The following PC variants were observed in gnomAD, a reference collection of about 807,000 sequenced individuals.
PC encodes the protein pyruvate carboxylase, mitochondrial.
In PC, 46 loss-of-function variants were observed where a neutral mutation model predicts 107.8. The observed-to-expected ratio is 0.43, with a 90% CI of 0.34 to 0.55. The LOEUF is 0.55. Among genes scored for constraint, PC ranks in the 20% least tolerant of loss-of-function variants. The pLI, the probability that PC is intolerant of heterozygous loss-of-function variation, is 0.04. For synonymous variants in PC, 662 were observed against 684.7 expected, an observed-to-expected ratio of 0.97 and a Z score of 0.52; for missense variants, 1,241 against 1,643.1, an observed-to-expected ratio of 0.76 and a Z score of 4.23.
intron 12 of PC, chr11:66,860,449 T>C (rs1390811576): frequency 2.8e-6 from 2 of 704,522 alleles, no homozygotes; most frequent in Non-Finnish European, 5.2e-6. Context: ...TGTTTTTATT[T>C]ATAATAAAAT....
At chr11:66,859,066 G>A in intron 12 of PC, 1 of 1,494,740 alleles carries the variant, frequency 6.7e-7, no homozygotes, top group Non-Finnish European at 8.9e-7. Flanking sequence ...CAGTACAACA[G>A]CAGCGAAGAT....
chr11:66,869,926 A>G (rs550421537), intron 9 of PC, among the ~76,000 whole-genome samples: 1 of 152,324 alleles, frequency 6.6e-6, no homozygotes, highest in Non-Finnish European at 1.5e-5. Flanking sequence ...ATGAGGGAGG[A>G]CTGCCTTCAT....
chr11:66,904,704 A>G (rs181936640), intron 3 of PC, among the ~76,000 whole-genome samples: 7 of 152,296 alleles, frequency 4.6e-5, no homozygotes, highest in Admixed American at 3.9e-4. Flanking sequence ...CAAATAAGGA[A>G]CTGTATGACT....
intron 3 of PC, among the ~76,000 whole-genome samples, chr11:66,875,214 C>G (rs1410621085): frequency 1.4e-5 from 2 of 144,172 alleles, no homozygotes; most frequent in African/African-American, 5.2e-5. Flanking sequence ...AGCTGAGAGA[C>G]GCGGAGCCTC....
rs756938721 is a variant in PC, at chr11:66,857,809, T to C, written c.1369-4426A>G. On this transcript the variant is annotated intron_variant, in intron 12 of 22. Transcript: ENST00000393960. This position sits in a 1 kb window ranked among gnomAD's most constrained non-coding sequence, Gnocchi z 7.1. ...GCGGCCGCCTGCCCGCTGCCCTGCGTCTGCCAGAACCTGTCCGAGTCGCTC... is the reference window on the plus strand; with the variant it reads ...GCGGCCGCCTGCCCGCTGCCCTGCGCCTGCCAGAACCTGTCCGAGTCGCTC... 4.4e-6 allele frequency: 7 copies of C among 1,601,396 alleles called. No individual in the cohort carries two copies. In the South Asian group the frequency reaches 7.7e-5, roughly 18 times the overall value.
chr11:66,863,857 C>T lies in PC; in HGVS notation c.1285G>A (p.Val429Ile). 1.2e-6 allele frequency: 2 copies of T among 1,614,052 alleles called. No homozygotes were observed. The highest frequency in any genetic ancestry group is 1.7e-6 in the Non-Finnish European group (2 of 1,180,008). ...SPHYDSLLVK[V>I]IAHGKDHPTA... Reference sequence around the variant, plus strand: ...GGGTGGTCTTTGCCGTGGGCAATGACTTTGACCAGCAGGGAGTCGTAGTGG... The same window carrying T: ...GGGTGGTCTTTGCCGTGGGCAATGATTTTGACCAGCAGGGAGTCGTAGTGG... Residue 429 changes from valine (V) to isoleucine (I), a missense_variant, in exon 12 of 23, where the codon GTC (valine) becomes ATC (isoleucine). By Grantham distance (29) the Val-to-Ile change is conservative. This residue lies in a region of PC where 1,143 missense variants were observed against 1,551.9 expected (regional missense o/e 0.74). Transcript: ENST00000393960.
chr11:66,946,483 G>C, intron 3 of PC, among the ~76,000 whole-genome samples: 1 of 152,024 alleles, frequency 6.6e-6, no homozygotes, highest in South Asian at 2.1e-4. Context: ...ACAAAAATTA[G>C]CTGGGCCACG....
At chr11:66,884,244 CAA>C (rs533552926) in intron 3 of PC, among the ~76,000 whole-genome samples, 50 of 86,420 alleles carry the variant, frequency 5.8e-4, no homozygotes, top group Admixed American at 6.5e-4. Flanking sequence ...AACTCCATCT[CAA>C]AAAAAAAAAA....
At chr11:66,919,277 G>A (rs140356114) in intron 3 of PC, among the ~76,000 whole-genome samples, 14 of 152,188 alleles carry the variant, frequency 9.2e-5, no homozygotes, top group East Asian at 5.8e-4. Flanking sequence ...TTAGCCAGGC[G>A]TGGTGGCACA....
intron 3 of PC, among the ~76,000 whole-genome samples, chr11:66,875,357 C>G (rs11227613): frequency 0.022 from 3,352 of 152,156 alleles, 148 homozygotes; most frequent in East Asian, 0.15. Flanking sequence ...GTGGAGATGA[C>G]TTTTCCTGCT....
chr11:66,861,496 TCA>T (rs1366980058), intron 12 of PC, among the ~76,000 whole-genome samples: 1 of 152,220 alleles, frequency 6.6e-6, no homozygotes. Context: ...TGGACCTGGC[TCA>T]CACGCGTGTG....
In PC at chr11:66,858,234, G is replaced by C; in HGVS notation, c.1369-4851C>G. The C allele has an allele frequency of 6.2e-7, 1 of 1,612,424 alleles. No homozygotes were observed. Among genetic ancestry groups the C allele is most frequent in the Non-Finnish European group, 8.5e-7 (1 of 1,179,918 alleles). ...CAACCTCCGGCAGGTGCCCTGGGCC[G>C]GCATCGGCGCCATGCCTGCCCTGCA... On this transcript the variant is annotated intron_variant, in intron 12 of 22. Coordinates refer to ENST00000393960, the MANE Select transcript of PC (RefSeq NM_001040716.2). The surrounding 1 kb of genome is among the most constrained non-coding windows in gnomAD (Gnocchi z 5.9).
rs540935501 is a variant in PC at position 66,849,524 on chromosome 11, G to T, written c.3147+87C>A. On this transcript the variant is annotated intron_variant, in intron 21 of 22. Coordinates refer to ENST00000393960, the MANE Select transcript of PC (RefSeq NM_001040716.2). ...AGGGTCCTTTCTGCTCCCAAAGCTT[G>T]CGAGGCTGGGTGACAGCCAAGCTAA... 58 of 1,610,608 alleles carry T rather than the reference G, an allele frequency of 3.6e-5. No homozygotes were observed. The African/African-American group carries it at 6.8e-4, about 19-fold the overall frequency.
At position 66,871,414 on chromosome 11, in the gene PC, C is replaced by A; in HGVS notation, c.388G>T (p.Ala130Ser). 6.2e-7 allele frequency: 1 copy of A among 1,613,644 alleles called. No individual in the cohort carries two copies. Among genetic ancestry groups the A allele is most frequent in the Non-Finnish European group, 8.5e-7 (1 of 1,180,040 alleles). Reference protein sequence around the residue: ...FLSERADFAQACQDAGVRFIG... With the variant: ...FLSERADFAQSCQDAGVRFIG... ...AACCGGACCCCTGCATCCTGGCAGG[C>A]CTGGGCGAAGTCCGCTCGCTCAGAG... Residue 130 changes from alanine (A) to serine (S), a missense_variant, in exon 6 of 23, where the codon GCC (alanine) becomes TCC (serine). Ala to Ser is a moderately conservative substitution (Grantham distance 99, BLOSUM62 1). Around this residue, in one of 2 missense-constraint regions of PC, gnomAD observed 1,143 missense variants for 1,551.9 expected, o/e 0.74. Transcript: ENST00000393960. This position sits in a 1 kb window ranked among gnomAD's most constrained non-coding sequence, Gnocchi z 7.4.
Position 66,870,352 on chromosome 11 carries a change from G to C in PC, c.853C>G (p.Pro285Ala). ...CTGGTGAGCCGAGTCCGAAGCTGCG[G>C]GTCCAGGTGGGCGGCGGGGGCAATC... ...VEIAPAAHLD[P>A]QLRTRLTSDS... Residue 285 changes from proline (P) to alanine (A), a missense_variant, in exon 9 of 23, where the codon CCG becomes GCG. By Grantham distance (27) the Pro-to-Ala change is conservative (BLOSUM62 -1). Around this residue, in one of 2 missense-constraint regions of PC, gnomAD observed 1,143 missense variants for 1,551.9 expected, o/e 0.74. Coordinates refer to ENST00000393960, the MANE Select transcript of PC (RefSeq NM_001040716.2). The surrounding 1 kb of genome is among the most constrained non-coding windows in gnomAD (Gnocchi z 6.1). The C allele has an allele frequency of 6.2e-7, 1 of 1,613,690 alleles. No homozygotes were observed. The highest frequency in any genetic ancestry group is 8.5e-7 in the Non-Finnish European group (1 of 1,180,022).
intron 12 of PC, among the ~76,000 whole-genome samples, chr11:66,862,083 G>A (rs561616932): frequency 2.8e-4 from 43 of 152,290 alleles, no homozygotes; most frequent in African/African-American, 1.0e-3. Flanking sequence ...GGTCACCCCT[G>A]TGCATGGCCA....
intron 3 of PC, among the ~76,000 whole-genome samples, chr11:66,879,157 T>G (rs1271911304): frequency 6.6e-6 from 1 of 152,004 alleles, no homozygotes; most frequent in Non-Finnish European, 1.5e-5. Flanking sequence ...GCCCTCCCAC[T>G]CGCACCATGA....
chr11:66,905,505 G>C (rs1173870726), intron 3 of PC, among the ~76,000 whole-genome samples: 1 of 152,182 alleles, frequency 6.6e-6, no homozygotes, highest in Non-Finnish European at 1.5e-5. Context: ...CTGAGACTCT[G>C]TAAAATAAGA....
At position 66,898,628 on chromosome 11, in the gene PC, C is replaced by T. The variant is rs552231360; in HGVS notation, c.1-26469G>A. Among the ~76,000 whole-genome samples, 6 of 152,148 alleles carry T rather than the reference C, an allele frequency of 3.9e-5. No homozygotes were observed. In the South Asian group the frequency reaches 8.3e-4, roughly 21 times the overall value. ...CCAGGAGGTGGAGGTCGCAGTAAGC[C>T]GAGATTGCGCCACTGCATTCCAGCC... On this transcript the variant is annotated intron_variant, in intron 3 of 22. Coordinates refer to ENST00000393960, the MANE Select transcript of PC (RefSeq NM_001040716.2).
Sources: gnomAD v4.1 joint callset for allele counts (sites outside exome capture counted in the v4.1 genomes callset) on GRCh38, gnomAD v4.1.1 for gene constraint, gnomAD v4.1.1 regional missense constraint, Gnocchi (gnomAD v3.1) non-coding constraint, MANE v1.5 for transcripts, NCBI Gene and HGNC (gene_info 2026-07-23, HGNC 2026-07-21) for gene names.